The following SPMAP2L variants were observed in gnomAD, a reference collection of about 807,000 sequenced individuals.
SPMAP2L encodes the protein sperm microtubule associated protein 2-like.
At chr4:56,615,067 G>A in the SPMAP2L span, among the ~76,000 whole-genome samples, 1 of 152,198 alleles carries the variant, frequency 6.6e-6, no homozygotes, top group Non-Finnish European at 1.5e-5. Flanking sequence ...CACATGCCCA[G>A]TTCCACATGA....
the SPMAP2L span, among the ~76,000 whole-genome samples, chr4:56,537,945 G>A: frequency 4.6e-5 from 7 of 151,874 alleles, no homozygotes; most frequent in East Asian, 1.9e-4. Flanking sequence ...TGCCCGCCTC[G>A]GCCCCCCAAA....
the SPMAP2L span, among the ~76,000 whole-genome samples, chr4:56,555,935 C>T: frequency 1.3e-5 from 2 of 152,062 alleles, no homozygotes; most frequent in Non-Finnish European, 2.9e-5. Flanking sequence ...TAGAGGTATA[C>T]ACTGATAAGA....
At chr4:56,563,752 A>G in the SPMAP2L span, among the ~76,000 whole-genome samples, 3 of 152,160 alleles carry the variant, frequency 2.0e-5, no homozygotes, top group Non-Finnish European at 4.4e-5. Context: ...TATAGCACCA[A>G]AGCATCCATA....
the SPMAP2L span, among the ~76,000 whole-genome samples, chr4:56,545,227 C>T: frequency 6.6e-6 from 1 of 152,148 alleles, no homozygotes; most frequent in Non-Finnish European, 1.5e-5. Context: ...CTATGCTAGG[C>T]TTTATTATCT....
chr4:56,575,684 G>T, the SPMAP2L span: 1 of 1,517,680 alleles, frequency 6.6e-7, no homozygotes, highest in South Asian at 1.2e-5. Context: ...AATCTAATTT[G>T]GCCAGATGTC....
At chr4:56,570,307 A>G in the SPMAP2L span, among the ~76,000 whole-genome samples, 1 of 152,220 alleles carries the variant, frequency 6.6e-6, no homozygotes, top group Non-Finnish European at 1.5e-5. Context: ...TTACTTAATG[A>G]CAGGGCTATG....
At chr4:56,567,852 G>A in the SPMAP2L span, among the ~76,000 whole-genome samples, 1 of 151,510 alleles carries the variant, frequency 6.6e-6, no homozygotes, top group African/African-American at 2.4e-5. Context: ...TCTTCTGTTT[G>A]GGGTTCATTA....
the SPMAP2L span, among the ~76,000 whole-genome samples, chr4:56,561,261 G>T: frequency 7.9e-5 from 12 of 152,104 alleles, no homozygotes; most frequent in Non-Finnish European, 1.5e-4. Flanking sequence ...ATATAGAAAT[G>T]ATCTTTGCAT....
At chr4:56,566,695 CTTTTT>C in the SPMAP2L span, among the ~76,000 whole-genome samples, 44 of 92,446 alleles carry the variant, frequency 4.8e-4, no homozygotes, top group East Asian at 8.6e-4. Flanking sequence ...TTTTCTTTTT[CTTTTT>C]TTTTTTTTTT....
At chr4:56,549,792 T>C in the SPMAP2L span, among the ~76,000 whole-genome samples, 1 of 152,246 alleles carries the variant, frequency 6.6e-6, no homozygotes, top group African/African-American at 2.4e-5. Context: ...ACCTTCAGGC[T>C]ATGTGTGTAA....
chr4:56,566,028 T>C, the SPMAP2L span, among the ~76,000 whole-genome samples: 1 of 152,214 alleles, frequency 6.6e-6, no homozygotes, highest in Admixed American at 6.5e-5. Flanking sequence ...ATGTTGGTTT[T>C]TATCCAATCT....
the SPMAP2L span, chr4:56,548,649 C>T: frequency 9.1e-6 from 4 of 441,904 alleles, no homozygotes; most frequent in Non-Finnish European, 1.5e-5. Context: ...TATTTTGGTA[C>T]ATACTATGAT....
the SPMAP2L span, chr4:56,594,527 G>A: frequency 1.9e-6 from 3 of 1,608,208 alleles, no homozygotes; most frequent in East Asian, 4.5e-5. Flanking sequence ...GGGAGAATAT[G>A]CTGGACTGGC....
chr4:56,554,590 T>A, the SPMAP2L span, among the ~76,000 whole-genome samples: 1 of 152,216 alleles, frequency 6.6e-6, no homozygotes, highest in Non-Finnish European at 1.5e-5. Context: ...GTTTTGCAAA[T>A]ATTGTCTCCC....
the SPMAP2L span, among the ~76,000 whole-genome samples, chr4:56,588,382 C>T: frequency 6.6e-6 from 1 of 151,626 alleles, no homozygotes; most frequent in South Asian, 2.1e-4. Flanking sequence ...ATCATGAAAT[C>T]CCTGCCTAAG....
At chr4:56,589,705 TTTGTTG>T in the SPMAP2L span, among the ~76,000 whole-genome samples, 4 of 151,732 alleles carry the variant, frequency 2.6e-5, no homozygotes, top group African/African-American at 4.8e-5. Context: ...GTTTTGGGTT[TTTGTTG>T]TTGTTGTTGT....
the SPMAP2L span, among the ~76,000 whole-genome samples, chr4:56,581,521 G>C: frequency 2.6e-5 from 4 of 152,012 alleles, no homozygotes; most frequent in Admixed American, 6.6e-5. Context: ...TTGGGAGGCT[G>C]AGGCTGGAGG....
chr4:56,593,373 T>C, the SPMAP2L span: 1 of 1,250,712 alleles, frequency 8.0e-7, no homozygotes, highest in Non-Finnish European at 1.2e-6. Flanking sequence ...CCAAATATAC[T>C]GGAGTCCTCA....
the SPMAP2L span, among the ~76,000 whole-genome samples, chr4:56,564,554 G>A: frequency 3.9e-5 from 6 of 152,040 alleles, no homozygotes; most frequent in African/African-American, 1.4e-4. Flanking sequence ...CTCATTTCTG[G>A]TATTGGTAGG....
Sources: allele counts gnomAD v4.1 joint callset (sites outside exome capture counted in the v4.1 genomes callset), GRCh38; gene constraint gnomAD v4.1.1; transcripts MANE v1.5; gene names NCBI Gene and HGNC (gene_info 2026-07-23, HGNC 2026-07-21).